The following KLF15 variants were observed in gnomAD, a reference collection of about 807,000 sequenced individuals.
KLF15 encodes the protein KLF transcription factor 15.
A neutral mutation model predicts 24.6 loss-of-function variants in KLF15; 4 were observed. That is an observed-to-expected ratio of 0.16 (90% confidence interval 0.08 to 0.37). KLF15 has a LOEUF of 0.37. KLF15 is among the 10% of genes least tolerant of loss of function. The pLI is 1.00. For missense variants in KLF15, 496 were observed against 560.6 expected, an observed-to-expected ratio of 0.88 and a Z score of 1.16; for synonymous variants, 246 against 236.3, an observed-to-expected ratio of 1.04 and a Z score of -0.37.
At chr3:126,331,777 G>A in the KLF15 span, among the ~76,000 whole-genome samples, 22 of 152,346 alleles carry the variant, frequency 1.4e-4, no homozygotes, top group South Asian at 8.3e-4. Flanking sequence ...TGTGCAAGCC[G>A]AAGCAGGGCG....
At chr3:126,292,976 G>A in the KLF15 span, among the ~76,000 whole-genome samples, 3 of 152,060 alleles carry the variant, frequency 2.0e-5, no homozygotes, top group East Asian at 3.9e-4. Context: ...GATTTTGGAG[G>A]CAGAGCAAAC....
chr3:126,351,193 C>A (rs890762948), intron 2 of KLF15, among the ~76,000 whole-genome samples: 3 of 152,224 alleles, frequency 2.0e-5, no homozygotes, highest in African/African-American at 2.4e-5. Context: ...GCACCACCAG[C>A]TGGCCTAGCC....
chr3:126,349,455 C>T (rs2082563938), intron 2 of KLF15, among the ~76,000 whole-genome samples: 1 of 152,164 alleles, frequency 6.6e-6, no homozygotes, highest in Admixed American at 6.5e-5. Context: ...TGCCAGGGCT[C>T]AGATGTGTCA....
chr3:126,313,397 C>T, the KLF15 span, among the ~76,000 whole-genome samples: 663 of 152,334 alleles, frequency 4.4e-3, 5 homozygotes, highest in African/African-American at 0.015. Flanking sequence ...AGGGCCCATC[C>T]TACTCCAGAA....
chr3:126,316,208 G>A, the KLF15 span, among the ~76,000 whole-genome samples: 20 of 151,992 alleles, frequency 1.3e-4, no homozygotes, highest in Admixed American at 1.1e-3. Context: ...TGCACGGGCG[G>A]AGTGGGGAAG....
intron 2 of KLF15, among the ~76,000 whole-genome samples, chr3:126,347,627 A>T (rs2082545637): frequency 6.6e-6 from 1 of 152,204 alleles, no homozygotes; most frequent in Non-Finnish European, 1.5e-5. Context: ...GGAACAAAGG[A>T]TGCCTATGTC....
the KLF15 span, among the ~76,000 whole-genome samples, chr3:126,309,215 G>A: frequency 6.6e-6 from 1 of 152,236 alleles, no homozygotes; most frequent in Admixed American, 6.5e-5. Flanking sequence ...GGGAAATGGG[G>A]TTAGCTGAGT....
chr3:126,320,880 G>T, the KLF15 span, among the ~76,000 whole-genome samples: 1 of 151,996 alleles, frequency 6.6e-6, no homozygotes, highest in African/African-American at 2.4e-5. Flanking sequence ...ATTTAGCAGG[G>T]GAAGGGTGGT....
the KLF15 span, among the ~76,000 whole-genome samples, chr3:126,307,528 GT>G: frequency 6.6e-6 from 1 of 152,180 alleles, no homozygotes; most frequent in Non-Finnish European, 1.5e-5. Context: ...CTAAAAGAGG[GT>G]GCTAATGACC....
At chr3:126,302,648 G>T in the KLF15 span, among the ~76,000 whole-genome samples, 64,109 of 151,876 alleles carry the variant, frequency 0.42, 13,787 homozygotes, top group African/African-American at 0.46. Flanking sequence ...GAAATTACCT[G>T]TTTTATTTCT....
At chr3:126,346,236 G>A (rs1035583180) in intron 2 of KLF15, among the ~76,000 whole-genome samples, 4 of 152,322 alleles carry the variant, frequency 2.6e-5, no homozygotes, top group East Asian at 3.9e-4. Flanking sequence ...AGCTGGCCCA[G>A]GGCAGGGGTA....
chr3:126,322,130 G>C, the KLF15 span, among the ~76,000 whole-genome samples: 1 of 152,132 alleles, frequency 6.6e-6, no homozygotes, highest in Admixed American at 6.5e-5. Flanking sequence ...CAGGGACTTG[G>C]TGTTTTTCCC....
chr3:126,289,294 A>G, the KLF15 span, among the ~76,000 whole-genome samples: 1 of 152,250 alleles, frequency 6.6e-6, no homozygotes, highest in Non-Finnish European at 1.5e-5. Context: ...AGCAAACAAA[A>G]CCTGGAAACC....
At chr3:126,315,556 G>C in the KLF15 span, among the ~76,000 whole-genome samples, 7 of 152,192 alleles carry the variant, frequency 4.6e-5, no homozygotes, top group South Asian at 1.5e-3. Context: ...GGGAAGTCAG[G>C]GGGGACAGGA....
At chr3:126,317,131 G>A in the KLF15 span, among the ~76,000 whole-genome samples, 1 of 152,114 alleles carries the variant, frequency 6.6e-6, no homozygotes, top group African/African-American at 2.4e-5. Flanking sequence ...AAATATAAGA[G>A]AGGGTGAACA....
chr3:126,310,912 T>C, the KLF15 span, among the ~76,000 whole-genome samples: 2 of 152,150 alleles, frequency 1.3e-5, no homozygotes, highest in Non-Finnish European at 2.9e-5. Context: ...TGTGGGCTAG[T>C]CCCTGAACCA....
At chr3:126,323,444 ATGTT>A in the KLF15 span, among the ~76,000 whole-genome samples, 1 of 57,988 alleles carries the variant, frequency 1.7e-5, no homozygotes, top group African/African-American at 6.3e-5. Context: ...TAACATATAT[ATGTT>A]ATATATATAT....
the KLF15 span, among the ~76,000 whole-genome samples, chr3:126,332,632 G>A: frequency 1.8e-5 from 1 of 56,318 alleles, no homozygotes; most frequent in East Asian, 4.0e-4. Context: ...TGAGCTACAG[G>A]AGGACATTCA....
chr3:126,306,383 T>C, the KLF15 span, among the ~76,000 whole-genome samples: 1 of 152,168 alleles, frequency 6.6e-6, no homozygotes, highest in Admixed American at 6.5e-5. Flanking sequence ...CCACACTGTG[T>C]CAGCTGTTCC....
Sources: gnomAD v4.1 joint callset for allele counts (sites outside exome capture counted in the v4.1 genomes callset) on GRCh38, gnomAD v4.1.1 for gene constraint, MANE v1.5 for transcripts, NCBI Gene and HGNC (gene_info 2026-07-23, HGNC 2026-07-21) for gene names.